The following SMIM35 variants were observed in gnomAD, a reference collection of about 807,000 sequenced individuals.
SMIM35 encodes TMPRSS4 antisense RNA 1 (non-protein coding).
At chr11:118,081,419 G>C (rs567570637) in intron 1 of SMIM35, among the ~76,000 whole-genome samples, 1 of 152,198 alleles carries the variant, frequency 6.6e-6, no homozygotes, top group Non-Finnish European at 1.5e-5. Context: ...TAACCAGCAC[G>C]TCGGCAGCTG....
chr11:118,007,994 C>G (rs1366051170), intron 4 of SMIM35, among the ~76,000 whole-genome samples: 1 of 152,060 alleles, frequency 6.6e-6, no homozygotes, highest in East Asian at 1.9e-4. Context: ...CTCAGCCTCC[C>G]TAGTAGCTAG....
intron 1 of SMIM35, among the ~76,000 whole-genome samples, chr11:118,050,017 C>T (rs747451433): frequency 9.2e-5 from 14 of 152,128 alleles, no homozygotes; most frequent in East Asian, 3.9e-4. Flanking sequence ...TTGTGGGGAG[C>T]GGATATAGAG....
At chr11:118,047,397 C>T (rs1944115130) in intron 1 of SMIM35, among the ~76,000 whole-genome samples, 1 of 152,094 alleles carries the variant, frequency 6.6e-6, no homozygotes, top group Admixed American at 6.5e-5. Flanking sequence ...AGAATGAGCC[C>T]TGGCCCCAGT....
At chr11:118,040,923 G>A (rs1431479546) in intron 1 of SMIM35, among the ~76,000 whole-genome samples, 2 of 151,344 alleles carry the variant, frequency 1.3e-5, no homozygotes, top group African/African-American at 4.8e-5. Flanking sequence ...TAATAGATGT[G>A]ACATATGTAT....
At chr11:118,081,666 G>T (rs188509190) in intron 1 of SMIM35, among the ~76,000 whole-genome samples, 40 of 152,358 alleles carry the variant, frequency 2.6e-4, no homozygotes, top group African/African-American at 9.1e-4. Context: ...CATCAGTCTG[G>T]CTGGGCGTCG....
At chr11:118,030,987 T>C (rs925222167) in intron 1 of SMIM35, among the ~76,000 whole-genome samples, 6 of 151,892 alleles carry the variant, frequency 4.0e-5, no homozygotes, top group African/African-American at 1.5e-4. Context: ...GCAGCAGAGA[T>C]TGGATATTGA....
At chr11:118,036,662 G>C (rs1259658932) in intron 1 of SMIM35, among the ~76,000 whole-genome samples, 1 of 152,252 alleles carries the variant, frequency 6.6e-6, no homozygotes, top group Non-Finnish European at 1.5e-5. Flanking sequence ...TGAGCCATCA[G>C]GGAGGCAGCT....
chr11:118,077,123 A>G, intron 1 of SMIM35: 1 of 601,588 alleles, frequency 1.7e-6, no homozygotes, highest in Non-Finnish European at 2.9e-6. Flanking sequence ...TCAGCGGACA[A>G]GGATGCTGGG....
At chr11:118,081,751 GCATT>G (rs112018141) in intron 1 of SMIM35, among the ~76,000 whole-genome samples, 1 of 152,028 alleles carries the variant, frequency 6.6e-6, no homozygotes, top group Non-Finnish European at 1.5e-5. Flanking sequence ...AAATCTGTAT[GCATT>G]CATTCATTCA....
chr11:118,063,186 T>C (rs1336909748), intron 1 of SMIM35, among the ~76,000 whole-genome samples: 1 of 152,154 alleles, frequency 6.6e-6, no homozygotes, highest in Non-Finnish European at 1.5e-5. Flanking sequence ...GGAGTAGCCA[T>C]TCTTTTATTC....
intron 1 of SMIM35, among the ~76,000 whole-genome samples, chr11:118,044,648 C>T (rs1178438217): frequency 1.3e-5 from 2 of 151,796 alleles, no homozygotes; most frequent in African/African-American, 4.8e-5. Flanking sequence ...GTGGCGGGCA[C>T]CTGTAATTCC....
At chr11:118,075,425 C>A (rs1270721617) in intron 1 of SMIM35, among the ~76,000 whole-genome samples, 1 of 152,228 alleles carries the variant, frequency 6.6e-6, no homozygotes, top group African/African-American at 2.4e-5. Context: ...TCCTCCTGCT[C>A]AGACATCACT....
chr11:118,030,929 T>A (rs993698665), intron 1 of SMIM35, among the ~76,000 whole-genome samples: 20 of 151,780 alleles, frequency 1.3e-4, no homozygotes, highest in African/African-American at 4.6e-4. Flanking sequence ...GCATGAAGTA[T>A]CAGAGCCCAA....
At chr11:118,048,280 C>A (rs568518756) in intron 1 of SMIM35, among the ~76,000 whole-genome samples, 1 of 152,122 alleles carries the variant, frequency 6.6e-6, no homozygotes, top group Non-Finnish European at 1.5e-5. Flanking sequence ...CCCGCTGAGG[C>A]GGTCAGATCA....
intron 1 of SMIM35, among the ~76,000 whole-genome samples, chr11:118,053,223 G>A (rs1212968071): frequency 2.6e-5 from 4 of 151,900 alleles, no homozygotes; most frequent in Non-Finnish European, 2.9e-5. Context: ...CCAGAGAATC[G>A]CTTGAACCCA....
chr11:118,020,038 G>A (rs569428894), intron 1 of SMIM35, among the ~76,000 whole-genome samples: 20 of 152,244 alleles, frequency 1.3e-4, no homozygotes, highest in South Asian at 2.1e-4. Context: ...CAAGGTTGTC[G>A]GATCAACTGA....
intron 1 of SMIM35, among the ~76,000 whole-genome samples, chr11:118,068,968 TTC>T (rs1292177287): frequency 9.8e-5 from 15 of 152,308 alleles, no homozygotes; most frequent in South Asian, 6.2e-4. Flanking sequence ...TCTAAAAGCA[TTC>T]TCTCTTCCAA....
rs1355006701 is a variant in SMIM35 at position 118,004,253 on chromosome 11, GA to G, written c.*2156del. The G allele has an allele frequency of 2.0e-5, 3 of 152,190 alleles. No homozygotes were observed. The highest frequency in any genetic ancestry group is 4.4e-5 in the Non-Finnish European group (3 of 68,040). 9.4% of individuals were successfully genotyped at this position (152,190 alleles called of 1,614,324 possible). ...ACAGCTTCAACATGAATTTGGGGAA[GA>G]CAAAAATATTCAGTTCATAAGAGAG... On this transcript the variant is annotated 3_prime_UTR_variant, in exon 5 of 5. Transcript: ENST00000689828.
At chr11:118,035,218 C>T (rs2058350596) in intron 1 of SMIM35, among the ~76,000 whole-genome samples, 1 of 151,820 alleles carries the variant, frequency 6.6e-6, no homozygotes, top group Non-Finnish European at 1.5e-5. Context: ...TCCCAAAGTG[C>T]CCGTCTGAAA....
Sources: allele counts gnomAD v4.1 joint callset (sites outside exome capture counted in the v4.1 genomes callset), GRCh38; gene constraint gnomAD v4.1.1; transcripts MANE v1.5; gene names NCBI Gene and HGNC (gene_info 2026-07-23, HGNC 2026-07-21).